WDR7: variants seen among roughly 807,000 people sequenced by gnomAD.
The protein encoded by WDR7 is WD repeat domain 7, also known as WD repeat-containing protein 7.
In WDR7, 46 loss-of-function variants were observed where a neutral mutation model predicts 169.4. The observed-to-expected ratio is 0.27, with a 90% confidence interval of 0.21 to 0.35. WDR7 has a LOEUF of 0.35. Ranked by LOEUF, WDR7 falls within the 10% of genes least tolerant of loss-of-function variation. The pLI is 1.00. For missense variants in WDR7, 1,534 were observed against 1,859.3 expected (o/e 0.83, Z 3.22); for synonymous variants, 612 against 666.8 (o/e 0.92, Z 1.27).
intron 26 of WDR7, among the ~76,000 whole-genome samples, chr18:56,998,847 A>G (rs973406581): frequency 6.6e-6 from 1 of 152,234 alleles, no homozygotes; most frequent in Non-Finnish European, 1.5e-5. Context: ...AAATGAGAGC[A>G]TATATTTTAA....
intron 21 of WDR7, among the ~76,000 whole-genome samples, chr18:56,892,186 C>T (rs1490100558): frequency 4.6e-5 from 7 of 152,030 alleles, no homozygotes; most frequent in African/African-American, 1.4e-4. Context: ...ATTTCTAAGG[C>T]CATTTCCATC....
chr18:56,793,776 A>G (rs1185710802), intron 19 of WDR7, among the ~76,000 whole-genome samples: 1 of 152,182 alleles, frequency 6.6e-6, no homozygotes, highest in East Asian at 1.9e-4. Context: ...TATTCCTCTT[A>G]TATATTTGGC....
In WDR7 at chr18:57,003,930, C is replaced by G. The variant is rs117385234; in HGVS notation, c.4165-16815C>G. Among the ~76,000 whole-genome samples the G allele has an allele frequency of 6.6e-3, 999 of 151,968 alleles. 5 individuals carry two copies. Among genetic ancestry groups the G allele is most frequent in the Non-Finnish European group, 9.8e-3 (667 of 67,906 alleles). On this transcript the variant is annotated intron_variant, in intron 26 of 27. Coordinates refer to ENST00000254442, the MANE Select transcript of WDR7 (RefSeq NM_015285.3). ...CTTTAGGCTTTTGAATATAGTATTC[C>G]CTCCGCATGGAGGGTGTGTGTTATA...
At chr18:56,691,653 T>G in intron 8 of WDR7, 62 bp from the exon 9 acceptor site, 1 of 1,404,214 alleles carries the variant, frequency 7.1e-7, no homozygotes, top group East Asian at 2.5e-5. Context: ...CCTTGTCATA[T>G]GGAATTATAA....
At chr18:56,794,302 C>CTTTTTTTTTTTTTTTTTTTTT (rs1217568621) in intron 19 of WDR7, among the ~76,000 whole-genome samples, 2 of 29,464 alleles carry the variant, frequency 6.8e-5, no homozygotes, top group Non-Finnish European at 9.1e-5. Flanking sequence ...AAGGTAAAGT[C>CTTTTTTTTTTTTTTTTTTTTT]TATTTTTTTT....
At chr18:56,781,846 A>G (rs2044322867) in intron 19 of WDR7, 190 bp downstream of exon 19, 2 of 528,978 alleles carry the variant, frequency 3.8e-6, no homozygotes, top group South Asian at 7.6e-5. Flanking sequence ...TTAAAAAACA[A>G]AAGGCAAAGG....
chr18:56,979,884 T>C (rs1383175380), intron 26 of WDR7, among the ~76,000 whole-genome samples: 2 of 152,224 alleles, frequency 1.3e-5, no homozygotes, highest in Non-Finnish European at 2.9e-5. Context: ...TTTCTATACG[T>C]TGGGAAAATA....
At chr18:56,857,007 T>A (rs2045731141) in intron 20 of WDR7, among the ~76,000 whole-genome samples, 1 of 152,208 alleles carries the variant, frequency 6.6e-6, no homozygotes, top group African/African-American at 2.4e-5. Flanking sequence ...TCTAATTTCC[T>A]GTCAGCTTAA....
At chr18:56,708,789 T>G (rs1010729988) in intron 12 of WDR7, among the ~76,000 whole-genome samples, 2 of 151,764 alleles carry the variant, frequency 1.3e-5, no homozygotes, top group African/African-American at 4.8e-5. Context: ...ACAAAAAAAT[T>G]ATCCAGGCAT....
chr18:56,918,380 T>A (rs1455146450), intron 21 of WDR7, among the ~76,000 whole-genome samples: 4 of 152,198 alleles, frequency 2.6e-5, no homozygotes, highest in Non-Finnish European at 4.4e-5. Flanking sequence ...ATAGAGAAGG[T>A]GCTCTTTAGT....
rs576153269 is a variant in WDR7, at chr18:56,955,767, T to A, written c.4065-6663T>A. ...ACTGTTTTAGGTACTTCTGTTGCAT[T>A]AACTCATTTCAACCACACAATACTT... On this transcript the variant is annotated intron_variant, in intron 25 of 27. Transcript: ENST00000254442. 3.4e-3 allele frequency among the ~76,000 whole-genome samples: 525 copies of A among 152,262 alleles called. 3 individuals carry two copies. Among genetic ancestry groups the A allele is most frequent in the Middle Eastern group, 6.8e-3 (2 of 294 alleles).
In WDR7 at chr18:56,857,624, AG is replaced by A. The variant is rs2045742788; in HGVS notation, c.3305-22319del. On this transcript the variant is annotated intron_variant, in intron 20 of 27. Coordinates refer to ENST00000254442, the MANE Select transcript of WDR7 (RefSeq NM_015285.3). ...ACACATATATATTTTGCCAGCATGTAGTCTTATATACACACTCAGATACACA... is the reference window on the plus strand; with the variant it reads ...ACACATATATATTTTGCCAGCATGTATCTTATATACACACTCAGATACACA... Among the ~76,000 whole-genome samples, 3 of 152,300 alleles carry A rather than the reference AG, an allele frequency of 2.0e-5. No homozygotes were observed. The East Asian group carries it at 5.8e-4, about 29-fold the overall frequency.
intron 14 of WDR7, among the ~76,000 whole-genome samples, chr18:56,732,583 G>C (rs1248923907): frequency 3.9e-5 from 6 of 152,176 alleles, no homozygotes; most frequent in African/African-American, 1.4e-4. Flanking sequence ...TCCTCCAGTA[G>C]TTCGCAGTAA....
At chr18:57,031,823 A>C (rs1451746100), downstream of WDR7, 1 of 152,188 alleles carries the variant, frequency 6.6e-6, no homozygotes, top group African/African-American at 2.4e-5. Context: ...ATTGTATTGC[A>C]CCTGTCAAAT....
At chr18:56,867,406 A>G (rs1330429802) in intron 20 of WDR7, among the ~76,000 whole-genome samples, 1 of 152,146 alleles carries the variant, frequency 6.6e-6, no homozygotes, top group Non-Finnish European at 1.5e-5. Flanking sequence ...TATGTTTACC[A>G]AACATCAATA....
intron 26 of WDR7, among the ~76,000 whole-genome samples, chr18:56,987,118 C>T (rs1456433892): frequency 1.3e-5 from 2 of 151,890 alleles, no homozygotes; most frequent in Admixed American, 6.6e-5. Context: ...TTGTTTTGAG[C>T]GCTTCCACCT....
chr18:56,885,505 A>G (rs2046175238), intron 21 of WDR7, among the ~76,000 whole-genome samples: 1 of 151,988 alleles, frequency 6.6e-6, no homozygotes, highest in Non-Finnish European at 1.5e-5. Context: ...AGTCTCAGCA[A>G]TAGAATCGAA....
chr18:56,862,186 T>C (rs2045814319), intron 20 of WDR7, among the ~76,000 whole-genome samples: 1 of 151,994 alleles, frequency 6.6e-6, no homozygotes, highest in Admixed American at 6.6e-5. Context: ...TATTATGTTG[T>C]ATATCTTGGA....
chr18:56,771,136 G>T (rs2044148872), intron 16 of WDR7, among the ~76,000 whole-genome samples: 1 of 152,128 alleles, frequency 6.6e-6, no homozygotes, highest in Non-Finnish European at 1.5e-5. Context: ...GCAGTGTCCA[G>T]AAATACCAAT....
Sources: allele counts gnomAD v4.1 joint callset (sites outside exome capture counted in the v4.1 genomes callset), GRCh38; gene constraint gnomAD v4.1.1; transcripts MANE v1.5; gene names NCBI Gene and HGNC (gene_info 2026-07-23, HGNC 2026-07-21).